DDX24: variants seen among roughly 807,000 people sequenced by gnomAD.
DDX24 encodes ATP-dependent RNA helicase DDX24.
A neutral mutation model predicts 68.9 loss-of-function variants in DDX24; 24 were observed. The observed-to-expected ratio is 0.35, with a 90% CI of 0.25 to 0.49. DDX24 has a LOEUF of 0.49. Ranked by LOEUF, DDX24 falls within the 20% of genes least tolerant of loss-of-function variation. The probability of loss-of-function intolerance (pLI) is 0.99; values close to 1 mark genes in which losing one functional copy is unlikely to be tolerated. For synonymous variants in DDX24, 395 were observed against 385.2 expected, an observed-to-expected ratio of 1.03 and a Z score of -0.30; for missense variants, 989 against 1,039.0, an observed-to-expected ratio of 0.95 and a Z score of 0.66.
At chr14:94,066,072 C>T (rs1194604735) in intron 2 of DDX24, among the ~76,000 whole-genome samples, 3 of 152,170 alleles carry the variant, frequency 2.0e-5, no homozygotes, top group South Asian at 4.1e-4. Flanking sequence ...AACTAAAGCC[C>T]CTTTTCTTTC....
intron 2 of DDX24, among the ~76,000 whole-genome samples, chr14:94,067,861 A>G (rs1256853205): frequency 2.0e-5 from 3 of 152,218 alleles, no homozygotes; most frequent in Non-Finnish European, 1.5e-5. Flanking sequence ...CAAACCCTGG[A>G]GACGTATTAA....
chr14:94,053,061 T>A lies in DDX24; in HGVS notation c.2245A>T (p.Asn749Tyr). Residue 749 changes from asparagine to tyrosine, a missense_variant, in exon 8 of 9, where the codon AAC (asparagine) becomes TAC (tyrosine). Physicochemically the swap from Asn to Tyr is moderately radical, Grantham distance 143 (BLOSUM62 -2). Coordinates refer to ENST00000621632, the MANE Select transcript of DDX24 (RefSeq NM_020414.4). ...GCTGCTGCCTGCTCAATCCAAGAGT[T>A]GTGCAGGCAAGCCTGGAAGTTCCGA... ...EYRNFQACLH[N>Y]SWIEQAAAAL... 1 of 1,614,202 alleles carries A rather than the reference T, an allele frequency of 6.2e-7. No individual in the cohort carries two copies. The highest frequency in any genetic ancestry group is 8.5e-7 in the Non-Finnish European group (1 of 1,180,032).
intron 2 of DDX24, among the ~76,000 whole-genome samples, chr14:94,068,455 C>A (rs912096028): frequency 6.6e-6 from 1 of 152,194 alleles, no homozygotes; most frequent in African/African-American, 2.4e-5. Flanking sequence ...GACAGATCAT[C>A]AAGACAGAAA....
intron 2 of DDX24, among the ~76,000 whole-genome samples, chr14:94,070,301 A>T (rs1444560437): frequency 2.6e-5 from 4 of 152,214 alleles, no homozygotes; most frequent in African/African-American, 9.6e-5. Flanking sequence ...AATATGCCTA[A>T]CAAAGGAGTC....
In DDX24 at chr14:94,055,203, G is replaced by A. The variant is rs1398799801; in HGVS notation, c.1990-19C>T. 9 of 1,608,348 alleles carry A rather than the reference G, an allele frequency of 5.6e-6. No homozygotes were observed. The highest frequency in any genetic ancestry group is 1.7e-5 in the Admixed American group (1 of 59,794). On this transcript the variant is annotated intron_variant, in intron 6 of 8. Transcript: ENST00000621632. ...GTGGGACCTGCCACAGGAAGAACTGGGAGATCAATACATGGCCACTGCCAA... is the reference window on the plus strand; with the variant it reads ...GTGGGACCTGCCACAGGAAGAACTGAGAGATCAATACATGGCCACTGCCAA...
At chr14:94,066,720 G>C (rs1343502778) in intron 2 of DDX24, among the ~76,000 whole-genome samples, 1 of 152,186 alleles carries the variant, frequency 6.6e-6, no homozygotes, top group East Asian at 1.9e-4. Flanking sequence ...TGGGTGGCTA[G>C]ACCCAGAAGA....
At chr14:94,056,710 G>C (rs1258963909) in intron 6 of DDX24, 1 of 152,218 alleles carries the variant, frequency 6.6e-6, no homozygotes, top group Non-Finnish European at 1.5e-5. Context: ...CAGAGGCCCT[G>C]ACTTATCGAC....
chr14:94,068,026 T>C (rs1380702891), intron 2 of DDX24, among the ~76,000 whole-genome samples: 1 of 152,140 alleles, frequency 6.6e-6, no homozygotes, highest in Non-Finnish European at 1.5e-5. Flanking sequence ...TAACATTGAA[T>C]GGAAATGGTC....
rs745387045 is a variant in DDX24, at chr14:94,079,618, C to G, written c.125G>C (p.Gly42Ala). The G allele has an allele frequency of 1.9e-6, 3 of 1,614,044 alleles. No individual in the cohort carries two copies. In the African/African-American group the frequency reaches 4.0e-5, roughly 22 times the overall value. The part of the protein sequence containing the change: ...VKIDPNMFAD[G>A]QMDDLVCFEE... ...AAAGCACACCAAGTCATCCATCTGT[C>G]CATCTGCAAACATATTTGGGTCAAT... The change falls in exon 2 of 9, where the codon GGA becomes GCA. Residue 42 changes from glycine (G) to alanine (A), a missense_variant. By Grantham distance (60) the Gly-to-Ala change is moderately conservative (BLOSUM62 0). Around this residue, in one of 3 missense-constraint regions of DDX24, gnomAD observed 295 missense variants for 263.0 expected, o/e 1.12. Coordinates refer to ENST00000621632, the MANE Select transcript of DDX24 (RefSeq NM_020414.4).
chr14:94,060,623 C>G lies in DDX24; in HGVS notation c.1398-10G>C, dbSNP rs1885577118. ...ATCCACTACCAGGCACCTGCAGATC[C>G]AGAGAGACCCATATCATTGGTCAGC... On this transcript the variant is annotated splice_polypyrimidine_tract_variant and intron_variant, in intron 4 of 8. Transcript: ENST00000621632. 1.2e-6 allele frequency: 2 copies of G among 1,610,188 alleles called. No homozygotes were observed. Among genetic ancestry groups the G allele is most frequent in the Non-Finnish European group, 1.7e-6 (2 of 1,177,624 alleles).
intron 7 of DDX24, 109 bp from the exon 8 acceptor site, chr14:94,053,236 G>A (rs1287026776): frequency 1.9e-5 from 28 of 1,456,554 alleles, no homozygotes; most frequent in Non-Finnish European, 2.6e-5. Context: ...TCACTCTGCT[G>A]CCCAGGCTGG....
chr14:94,052,164 C>T (rs1159904016), intron 8 of DDX24, among the ~76,000 whole-genome samples: 1 of 152,264 alleles, frequency 6.6e-6, no homozygotes, highest in African/African-American at 2.4e-5. Context: ...CTGACTTGGG[C>T]ACCGAGGTGT....
At chr14:94,069,657 C>A (rs1241333001) in intron 2 of DDX24, among the ~76,000 whole-genome samples, 2 of 152,076 alleles carry the variant, frequency 1.3e-5, no homozygotes, top group African/African-American at 4.8e-5. Flanking sequence ...AAAAAGATAA[C>A]CCACCATGAT....
At chr14:94,060,770 C>G (rs2141425972) in intron 4 of DDX24, 143 bp downstream of exon 4, 2 of 1,467,438 alleles carry the variant, frequency 1.4e-6, no homozygotes, top group Non-Finnish European at 1.8e-6. Flanking sequence ...CCCTCATGCA[C>G]TCTTGGCTTT....
chr14:94,049,404 C>G lies in DDX24; in HGVS notation c.*1787G>C, dbSNP rs536393305. 1 of 152,212 alleles carries G rather than the reference C, an allele frequency of 6.6e-6. No homozygotes were observed. The highest frequency in any genetic ancestry group is 1.5e-5 in the Non-Finnish European group (1 of 68,036). The allele number at this position is 152,212 out of a possible 1,614,324, so 9.4% of individuals were successfully genotyped here. A position where few individuals can be genotyped will look rare whatever the true frequency, so the allele number is the denominator to read the frequency against. ...ACCTCACAGACGGGCAATTTCCCCTCCTATTCCGGTCACTGGTGACACTGG... is the reference window on the plus strand; with the variant it reads ...ACCTCACAGACGGGCAATTTCCCCTGCTATTCCGGTCACTGGTGACACTGG... On this transcript the variant is annotated 3_prime_UTR_variant, in exon 9 of 9. Coordinates refer to ENST00000621632, the MANE Select transcript of DDX24 (RefSeq NM_020414.4).
At chr14:94,053,691 G>A (rs1044597513) in intron 7 of DDX24, among the ~76,000 whole-genome samples, 7 of 152,094 alleles carry the variant, frequency 4.6e-5, no homozygotes, top group Non-Finnish European at 1.0e-4. Flanking sequence ...GCGCATGCCT[G>A]TAATCCCAGC....
At position 94,079,114 on chromosome 14, in the gene DDX24, A is replaced by G. The variant is rs1210239167; in HGVS notation, c.629T>C (p.Leu210Pro). 1 of 1,614,202 alleles carries G rather than the reference A, an allele frequency of 6.2e-7. No homozygotes were observed. Among genetic ancestry groups the G allele is most frequent in the African/African-American group, 1.3e-5 (1 of 75,052 alleles). Residue 210 changes from leucine to proline, a missense_variant, in exon 2 of 9, where the codon CTA becomes CCA. By Grantham distance (98) the Leu-to-Pro change is moderately conservative. This residue lies in a region of DDX24 where 295 missense variants were observed against 263.0 expected (regional missense o/e 1.12). Transcript: ENST00000621632. ...PRPVLRALSFLGFSAPTPIQA... is the reference protein window; with the variant it reads ...PRPVLRALSFPGFSAPTPIQA... Reference sequence around the variant, plus strand: ...GATTGGTGTGGGTGCAGAGAAGCCTAGAAAGCTGAGTGCTCGGAGAACCGG... The same window carrying G: ...GATTGGTGTGGGTGCAGAGAAGCCTGGAAAGCTGAGTGCTCGGAGAACCGG...
Position 94,081,179 on chromosome 14 carries a change from T to C in DDX24, c.-66A>G, listed in dbSNP as rs1175391807. On this transcript the variant is annotated 5_prime_UTR_variant, in exon 1 of 9. Coordinates refer to ENST00000621632, the MANE Select transcript of DDX24 (RefSeq NM_020414.4). ...AGTGAAGAACCTCAGAAACCGCCGC[T>C]GTACCTCAGCTGCAGCAGCAACTGC... The C allele has an allele frequency of 5.2e-5, 8 of 152,444 alleles. No individual in the cohort carries two copies. In the East Asian group the frequency reaches 1.4e-3, roughly 26 times the overall value. The allele number at this position is 152,444 out of a possible 1,614,324, so 9.4% of individuals were successfully genotyped here. A position where few individuals can be genotyped will look rare whatever the true frequency, so the allele number is the denominator to read the frequency against.
chr14:94,067,743 T>C (rs1489082603), intron 2 of DDX24, among the ~76,000 whole-genome samples: 1 of 152,110 alleles, frequency 6.6e-6, no homozygotes, highest in African/African-American at 2.4e-5. Context: ...CTAAGCATCA[T>C]ATATGAAGGA....
Sources: allele counts gnomAD v4.1 joint callset (sites outside exome capture counted in the v4.1 genomes callset), GRCh38; gene constraint gnomAD v4.1.1; regional missense constraint gnomAD v4.1.1; transcripts MANE v1.5; gene names NCBI Gene and HGNC (gene_info 2026-07-23, HGNC 2026-07-21).